Variants in ANPEP observed in about 807,000 individuals in gnomAD.
The protein encoded by ANPEP is aminopeptidase N.
A neutral mutation model predicts 114.6 loss-of-function variants in ANPEP; 70 were observed. The observed-to-expected ratio is 0.61, with a 90% CI of 0.50 to 0.75. The LOEUF is 0.75. ANPEP is among the 30% of genes least tolerant of loss of function. ANPEP has a pLI of 0.00. For missense variants in ANPEP, 1,184 were observed against 1,259.5 expected (o/e 0.94, Z 0.91); for synonymous variants, 548 against 522.3 (o/e 1.05, Z -0.67).
At chr15:89,791,198 C>A in intron 18 of ANPEP, 105 bp from the exon 19 acceptor site, 1 of 1,348,808 alleles carries the variant, frequency 7.4e-7, no homozygotes, top group Non-Finnish European at 1.0e-6. Context: ...TCTCAACATC[C>A]CCTCGGCCTG....
At chr15:89,800,438 G>C (rs1894564064) in intron 12 of ANPEP, among the ~76,000 whole-genome samples, 1 of 151,998 alleles carries the variant, frequency 6.6e-6, no homozygotes, top group African/African-American at 2.4e-5. Context: ...TTCATCTGTA[G>C]CCTTGGCCAA....
chr15:89,806,091 G>A lies in ANPEP; in HGVS notation c.493C>T (p.His165Tyr). 6.2e-7 allele frequency: 1 copy of A among 1,613,960 alleles called. No individual in the cohort carries two copies. The highest frequency in any genetic ancestry group is 8.5e-7 in the Non-Finnish European group (1 of 1,179,966). ...LVEPTEYLVV[H>Y]LKGSLVKDSQ... is the part of the protein sequence containing the mutation. ...TCCTTCACCAGGGAGCCCTTGAGGTGCACCACCAGGTACTCGGTGGGCTCC... is the reference window on the plus strand; with the variant it reads ...TCCTTCACCAGGGAGCCCTTGAGGTACACCACCAGGTACTCGGTGGGCTCC... Residue 165 changes from histidine to tyrosine, a missense_variant, in exon 2 of 21, where the codon CAC becomes TAC. His to Tyr is a moderately conservative substitution (Grantham distance 83). Coordinates refer to ENST00000300060, the MANE Select transcript of ANPEP (RefSeq NM_001150.3). This position sits in a 1 kb window ranked among gnomAD's most constrained non-coding sequence, Gnocchi z 5.7.
At chr15:89,802,171 C>G (rs995663416) in intron 10 of ANPEP, among the ~76,000 whole-genome samples, 7 of 152,060 alleles carry the variant, frequency 4.6e-5, no homozygotes, top group Non-Finnish European at 1.0e-4. Context: ...CACCTAAGAA[C>G]GGGGCCACAC....
chr15:89,797,333 T>G, intron 15 of ANPEP: 1 of 457,898 alleles, frequency 2.2e-6, no homozygotes, highest in Non-Finnish European at 3.8e-6. Context: ...CCACGCAGCC[T>G]CCTCACTCAC....
chr15:89,796,485 T>C (rs1220441249), intron 15 of ANPEP, among the ~76,000 whole-genome samples: 1 of 66,882 alleles, frequency 1.5e-5, no homozygotes, highest in Admixed American at 1.2e-4. Flanking sequence ...ATAATTGAAC[T>C]TTTTTTTTTT....
intron 15 of ANPEP, 41 bp downstream of exon 15, chr15:89,797,534 G>C: frequency 6.3e-7 from 1 of 1,588,198 alleles, no homozygotes; most frequent in African/African-American, 1.4e-5. Flanking sequence ...TTCAGGCACT[G>C]GGGCGAACTG....
chr15:89,813,455 C>G (rs892588204), intron 1 of ANPEP, among the ~76,000 whole-genome samples: 4 of 152,170 alleles, frequency 2.6e-5, no homozygotes, highest in Non-Finnish European at 4.4e-5. Context: ...GACACTGGGC[C>G]GGTTTCCCCA....
chr15:89,809,707 G>A (rs1293236173), intron 1 of ANPEP, among the ~76,000 whole-genome samples: 4 of 152,220 alleles, frequency 2.6e-5, no homozygotes, highest in South Asian at 2.1e-4. Flanking sequence ...ACCAGCACAC[G>A]TCAGCAGAGG....
At chr15:89,813,999 G>GT (rs899848180) in intron 1 of ANPEP, among the ~76,000 whole-genome samples, 2 of 151,132 alleles carry the variant, frequency 1.3e-5, no homozygotes, top group African/African-American at 4.9e-5. Context: ...GCTGGGGGGG[G>GT]GGGGTGCGTT....
At chr15:89,791,161 C>A in intron 18 of ANPEP, 68 bp from the exon 19 acceptor site, 1 of 1,554,180 alleles carries the variant, frequency 6.4e-7, no homozygotes, top group Non-Finnish European at 8.8e-7. Context: ...TTGGACTGTC[C>A]CACGCACATC....
chr15:89,786,404 T>TTG, intron 20 of ANPEP, among the ~76,000 whole-genome samples: 1 of 150,304 alleles, frequency 6.7e-6, no homozygotes, highest in African/African-American at 2.4e-5. Context: ...TTTTTTTTTT[T>TTG]GCGGAAATTG....
rs139869368 is a variant in ANPEP at position 89,797,593 on chromosome 15, C to T, written c.2139G>A (p.Glu713=). ...SYFKLMFDRS[E]VYGPMKNYLK... ...TCCGTACCTTCATGGGGCCATAGACCTCGGAGCGGTCAAACATGAGCTTGA... is the reference window on the plus strand; with the variant it reads ...TCCGTACCTTCATGGGGCCATAGACTTCGGAGCGGTCAAACATGAGCTTGA... The change falls in exon 15 of 21, where the codon GAG becomes GAA. Residue 713 remains glutamate, a synonymous_variant. Coordinates refer to ENST00000300060, the MANE Select transcript of ANPEP (RefSeq NM_001150.3). 16 of 1,613,970 alleles carry T rather than the reference C, an allele frequency of 9.9e-6. No individual in the cohort carries two copies. Among genetic ancestry groups the T allele is most frequent in the Non-Finnish European group, 1.1e-5 (13 of 1,180,004 alleles).
chr15:89,791,026 T>C lies in ANPEP; in HGVS notation c.2596A>G (p.Ile866Val). 6.2e-7 allele frequency: 1 copy of C among 1,614,228 alleles called. No individual in the cohort carries two copies. The highest frequency in any genetic ancestry group is 8.5e-7 in the Non-Finnish European group (1 of 1,180,044). Reference protein sequence around the residue: ...KQDATSTIISITNNVIGQGLV... With the variant: ...KQDATSTIISVTNNVIGQGLV... ...CCTTGCCCAATGACGTTGTTGGTAA[T>C]GCTGATGATGGTAGAGGTGGCGTCC... The change falls in exon 19 of 21, where the codon ATT (isoleucine) becomes GTT (valine). Residue 866 changes from isoleucine (I) to valine (V), a missense_variant. By Grantham distance (29) the Ile-to-Val change is conservative. Transcript: ENST00000300060.
chr15:89,794,962 A>G (rs1439120), intron 15 of ANPEP, among the ~76,000 whole-genome samples: 64,547 of 151,538 alleles, frequency 0.43, 16,784 homozygotes, highest in African/African-American at 0.74. Context: ...CGGACAACAC[A>G]CTCCACCTTC....
At chr15:89,796,327 T>C (rs553871576) in intron 15 of ANPEP, among the ~76,000 whole-genome samples, 12 of 152,362 alleles carry the variant, frequency 7.9e-5, no homozygotes, top group African/African-American at 2.9e-4. Context: ...ACTATTTAGA[T>C]AATCACAATA....
chr15:89,806,933 A>G lies in ANPEP; in HGVS notation c.-223-127T>C, dbSNP rs1894728494. On this transcript the variant is annotated intron_variant, in intron 1 of 20. Coordinates refer to ENST00000300060, the MANE Select transcript of ANPEP (RefSeq NM_001150.3). The surrounding 1 kb of genome is among the most constrained non-coding windows in gnomAD (Gnocchi z 5.7). The stretch of plus-strand genomic sequence containing the variant: ...CAAGCGGCCAGGTGGCATTGCATTG[A>G]TCTGCTTGAGAGCTGAGAGGGTGGG... 2 of 269,552 alleles carry G rather than the reference A, an allele frequency of 7.4e-6. No individual in the cohort carries two copies. Among genetic ancestry groups the G allele is most frequent in the Non-Finnish European group, 7.2e-6 (1 of 138,892 alleles). 16.7% of individuals were successfully genotyped at this position (269,552 alleles called of 1,614,324 possible).
Position 89,797,640 on chromosome 15 carries a change from C to T in ANPEP, c.2092G>A (p.Ala698Thr), listed in dbSNP as rs774774043. ...EERQYMPWEA[A>T]LSSLSYFKLM... Reference sequence around the variant, plus strand: ...TTGAAGTAGCTCAGGCTGCTCAGGGCGGCCTCCCAGGGCATGTACTGTCTC... The same window carrying T: ...TTGAAGTAGCTCAGGCTGCTCAGGGTGGCCTCCCAGGGCATGTACTGTCTC... The change falls in exon 15 of 21, where the codon GCC becomes ACC. Residue 698 changes from alanine to threonine, a missense_variant. By Grantham distance (58) the Ala-to-Thr change is moderately conservative (BLOSUM62 0). Transcript: ENST00000300060. The T allele has an allele frequency of 3.8e-5, 61 of 1,614,022 alleles. No homozygotes were observed. The highest frequency in any genetic ancestry group is 3.4e-5 in the Non-Finnish European group (40 of 1,180,026).
In ANPEP at chr15:89,804,563, G is replaced by A. The variant is rs1423567894; in HGVS notation, c.952C>T (p.Leu318=). 10 of 1,614,184 alleles carry A rather than the reference G, an allele frequency of 6.2e-6. No individual in the cohort carries two copies. The South Asian group carries it at 9.9e-5, about 16-fold the overall frequency. The change falls in exon 5 of 21, where the codon CTG becomes TTG. Residue 318 remains leucine (L), a synonymous_variant. Coordinates refer to ENST00000300060, the MANE Select transcript of ANPEP (RefSeq NM_001150.3). ...AIAAGHGDYA[L]NVTGPILNFF... is the part of the protein sequence containing the mutation. ...TTAAGGATGGGGCCCGTCACGTTCA[G>A]GGCATAATCGCCGTGGCCCGCCGCA... is the stretch of plus-strand genomic sequence containing the variant.
At position 89,785,097 on chromosome 15, in the gene ANPEP, C is replaced by G. The variant is rs1968481509; in HGVS notation, c.*252G>C. The G allele has an allele frequency of 2.1e-6, 1 of 472,562 alleles. No homozygotes were observed. Among genetic ancestry groups the G allele is most frequent in the East Asian group, 4.0e-5 (1 of 25,188 alleles). 29.3% of individuals were successfully genotyped at this position (472,562 alleles called of 1,614,324 possible). On this transcript the variant is annotated 3_prime_UTR_variant, in exon 21 of 21. Coordinates refer to ENST00000300060, the MANE Select transcript of ANPEP (RefSeq NM_001150.3). ...CTTCCCTGAGATCAGCCCCAGGGCA[C>G]TGGGCGACAGGTGCCATGCCAGGCC...
Sources: allele counts gnomAD v4.1 joint callset (sites outside exome capture counted in the v4.1 genomes callset), GRCh38; gene constraint gnomAD v4.1.1; non-coding constraint Gnocchi (gnomAD v3.1); transcripts MANE v1.5; gene names NCBI Gene and HGNC (gene_info 2026-07-23, HGNC 2026-07-21).